Variants in PARG observed in about 807,000 individuals in gnomAD.
PARG encodes the protein mitochondrial poly(ADP-ribose) glycohydrolase.
A neutral mutation model predicts 113.0 loss-of-function variants in PARG; 35 were observed. The ratio of observed to expected loss-of-function variants is 0.31; its 90% confidence interval spans 0.24 to 0.41. The LOEUF (loss-of-function observed/expected upper bound fraction) is 0.41, where lower values mean the gene tolerates loss of function less well. Among genes scored for constraint, PARG ranks in the 10% least tolerant of loss-of-function variants. PARG has a pLI of 1.00. For missense variants in PARG, 797 were observed against 1,169.4 expected (o/e 0.68, Z 4.64); for synonymous variants, 330 against 409.9 (o/e 0.81, Z 2.36).
At chr10:49,922,006 T>C (rs1837899288) in intron 6 of PARG, among the ~76,000 whole-genome samples, 1 of 152,146 alleles carries the variant, frequency 6.6e-6, no homozygotes, top group Non-Finnish European at 1.5e-5. Context: ...CTTTCCTGAT[T>C]TACTTTTAAA....
chr10:49,835,115 G>A (rs1322362989), intron 15 of PARG, among the ~76,000 whole-genome samples: 1 of 152,034 alleles, frequency 6.6e-6, no homozygotes, highest in Admixed American at 6.6e-5. Context: ...TTATGAGTAG[G>A]AATTGAACTC....
At chr10:49,906,165 T>C (rs1848579100) in intron 7 of PARG, among the ~76,000 whole-genome samples, 1 of 148,960 alleles carries the variant, frequency 6.7e-6, no homozygotes, top group Non-Finnish European at 1.5e-5. Flanking sequence ...TTTTTCCCAG[T>C]AGAAACAGGG....
At chr10:49,938,001 C>T (rs1398432106) in intron 1 of PARG, among the ~76,000 whole-genome samples, 2 of 152,174 alleles carry the variant, frequency 1.3e-5, no homozygotes, top group Non-Finnish European at 2.9e-5. Flanking sequence ...TAAAATTATG[C>T]TTTCCAGGTT....
chr10:49,911,601 T>A (rs1484840376), intron 7 of PARG, among the ~76,000 whole-genome samples: 1 of 152,236 alleles, frequency 6.6e-6, no homozygotes, highest in Non-Finnish European at 1.5e-5. Context: ...AATATATAAT[T>A]ATAAATAACA....
At chr10:49,855,736 TCTC>T (rs1160331562) in intron 13 of PARG, among the ~76,000 whole-genome samples, 2 of 151,726 alleles carry the variant, frequency 1.3e-5, no homozygotes, top group East Asian at 1.9e-4. Flanking sequence ...GGAGGGTTTT[TCTC>T]CTATTATAAT....
rs73312644 is a variant in PARG, at chr10:49,819,365, T to G, written c.2906A>C (p.His969Pro). Residue 969 changes from histidine (H) to proline (P), a missense_variant, in exon 18 of 18, where the codon CAT (histidine) becomes CCT (proline). By Grantham distance (77) the His-to-Pro change is moderately conservative. Around this residue, in one of 5 missense-constraint regions of PARG, gnomAD observed 194 missense variants for 247.1 expected, o/e 0.79. Transcript: ENST00000616448. ...AVESCAETAD[H>P]SGQRTGT ...TCAGGTCCCTGTCCTTTGCCCTGAA[T>G]GGTCAGCGGTCTCTGCACAGGACTC... is the stretch of plus-strand genomic sequence containing the variant. The G allele has an allele frequency of 8.0e-4, 1,243 of 1,551,548 alleles. 10 individuals are homozygous for G. The African/African-American group carries it at 0.016, about 19-fold the overall frequency.
chr10:49,841,849 T>C (rs1250157881), intron 15 of PARG, 101 bp downstream of exon 15: 17 of 744,704 alleles, frequency 2.3e-5, no homozygotes, highest in Non-Finnish European at 3.5e-5. Flanking sequence ...GCAGACATAC[T>C]GACACTGCAA....
intron 7 of PARG, among the ~76,000 whole-genome samples, chr10:49,902,881 G>A (rs1473152007): frequency 1.3e-5 from 2 of 151,004 alleles, no homozygotes; most frequent in South Asian, 2.1e-4. Context: ...TCACCAGACT[G>A]GAGTGCAATG....
intron 10 of PARG, among the ~76,000 whole-genome samples, chr10:49,868,399 A>G: frequency 6.6e-6 from 1 of 152,246 alleles, no homozygotes; most frequent in Non-Finnish European, 1.5e-5. Flanking sequence ...CACAAAACTG[A>G]AATTCGATAA....
chr10:49,897,792 G>A (rs1194100870), intron 7 of PARG, among the ~76,000 whole-genome samples: 57 of 152,294 alleles, frequency 3.7e-4, no homozygotes, highest in Admixed American at 1.8e-3. Context: ...TGGATCACTT[G>A]AGGTCAAGAG....
chr10:49,903,189 C>T (rs1308483573), intron 7 of PARG, among the ~76,000 whole-genome samples: 2 of 151,992 alleles, frequency 1.3e-5, no homozygotes, highest in African/African-American at 4.8e-5. Flanking sequence ...ACTCTGGAAG[C>T]TGAGGTAGGA....
At chr10:49,842,504 T>C (rs994790279) in intron 14 of PARG, among the ~76,000 whole-genome samples, 1 of 152,188 alleles carries the variant, frequency 6.6e-6, no homozygotes, top group African/African-American at 2.4e-5. Flanking sequence ...GTCCAGGAAA[T>C]AATCCTAAGA....
chr10:49,941,560 C>G lies in PARG; in HGVS notation c.166G>C (p.Ala56Pro). ...VQFRVPPSSP[A>P]CVPGRAGQHR... ...TGTCCCGCCCGCCCTGGGACGCAGG[C>G]TGGCGAGGACGGTGGGACCCTGAAC... Residue 56 changes from alanine to proline, a missense_variant, in exon 1 of 18, where the codon GCC becomes CCC. Ala to Pro is a conservative substitution (Grantham distance 27). Coordinates refer to ENST00000616448, the MANE Select transcript of PARG (RefSeq NM_003631.5). 1 of 1,559,164 alleles carries G rather than the reference C, an allele frequency of 6.4e-7. No individual in the cohort carries two copies. Among genetic ancestry groups the G allele is most frequent in the Non-Finnish European group, 8.7e-7 (1 of 1,151,922 alleles).
chr10:49,927,398 G>GA (rs1217857297), intron 4 of PARG, among the ~76,000 whole-genome samples: 1 of 149,984 alleles, frequency 6.7e-6, no homozygotes, highest in African/African-American at 2.4e-5. Flanking sequence ...AAGAAAGAAA[G>GA]AAAGAAAGAA....
chr10:49,916,920 T>C (rs1234604330), intron 6 of PARG, among the ~76,000 whole-genome samples: 3 of 152,100 alleles, frequency 2.0e-5, no homozygotes, highest in Middle Eastern at 3.2e-3. Context: ...ATCTTCCAAA[T>C]TTCGTTATCA....
rs1267312741 is a variant in PARG, at chr10:49,941,845, C to A, written c.-120G>T. On this transcript the variant is annotated 5_prime_UTR_variant, in exon 1 of 18. Transcript: ENST00000616448. ...CCTGCCTGCACCATTCCCTCTCTGC[C>A]GCTGCCTGCTTCTGCAATTGCTGAT... The A allele has an allele frequency of 4.6e-6, 7 of 1,521,662 alleles. No homozygotes were observed. The highest frequency in any genetic ancestry group is 6.2e-6 in the Non-Finnish European group (7 of 1,134,150). The allele number at this position is 1,521,662 out of a possible 1,614,324, so 94.3% of individuals were successfully genotyped here.
chr10:49,845,377 T>C (rs961231199), intron 13 of PARG, among the ~76,000 whole-genome samples: 1 of 152,108 alleles, frequency 6.6e-6, no homozygotes, highest in Non-Finnish European at 1.5e-5. Context: ...ACCAGAGAAA[T>C]GGAACCAGGA....
At chr10:49,940,823 G>A (rs1313335631) in intron 1 of PARG, among the ~76,000 whole-genome samples, 11 of 152,214 alleles carry the variant, frequency 7.2e-5, no homozygotes, top group Admixed American at 6.5e-4. Context: ...CACCGCGCCC[G>A]GCCTCGGTTG....
At chr10:49,937,534 T>A (rs1470441431) in intron 1 of PARG, among the ~76,000 whole-genome samples, 1 of 152,148 alleles carries the variant, frequency 6.6e-6, no homozygotes, top group African/African-American at 2.4e-5. Flanking sequence ...ATTCATTTTT[T>A]GAGTTGGTTT....
Sources: allele counts gnomAD v4.1 joint callset (sites outside exome capture counted in the v4.1 genomes callset), GRCh38; gene constraint gnomAD v4.1.1; regional missense constraint gnomAD v4.1.1; transcripts MANE v1.5; gene names NCBI Gene and HGNC (gene_info 2026-07-23, HGNC 2026-07-21).